FGA: variants seen among roughly 807,000 people sequenced by gnomAD.
FGA encodes fibrinogen alpha chain, also known as fibrinogen, A alpha polypeptide.
FGA carries 20 observed loss-of-function variants against 20.3 expected under a neutral mutation model. The observed-to-expected ratio is 0.99, with a 90% CI of 0.69 to 1.43. The LOEUF is 1.43. FGA is among the 40% of genes most tolerant of loss of function. FGA has a pLI of 0.00. For missense variants in FGA, 777 were observed against 784.7 expected, an observed-to-expected ratio of 0.99 and a Z score of 0.12; for synonymous variants, 306 against 281.6, an observed-to-expected ratio of 1.09 and a Z score of -0.87.
chr4:154,587,043 A>G (rs1248341698), intron 4 of FGA, 125 bp from the exon 5 acceptor site: 6 of 893,858 alleles, frequency 6.7e-6, no homozygotes, highest in Non-Finnish European at 8.8e-6. Flanking sequence ...TCGGAGACCT[A>G]CCACTTAATA....
intron 4 of FGA, 56 bp from the exon 5 acceptor site, chr4:154,586,974 G>T: frequency 6.5e-7 from 1 of 1,529,586 alleles, no homozygotes. Context: ...CATAAACTAC[G>T]TCTATTGAGT....
At position 154,585,541 on chromosome 4, in the gene FGA, T is replaced by G. The variant is rs1250443522; in HGVS notation, c.1888A>C (p.Arg630=). The G allele has an allele frequency of 6.2e-7, 1 of 1,613,916 alleles. No individual in the cohort carries two copies. The highest frequency in any genetic ancestry group is 1.3e-5 in the African/African-American group (1 of 74,926). The change falls in exon 5 of 5, where the codon AGA becomes CGA. Residue 630 remains arginine, a synonymous_variant. Coordinates refer to ENST00000403106, the MANE Select transcript of FGA (RefSeq NM_021871.4). ...CCCAAAGGAGAAGTGTGGATACCTC[T>G]GACAGGGCGAGATTTAGCATGGCCT... ...KRGHAKSRPV[R]GIHTSPLGKP...
chr4:154,584,163 C>T (rs759660156), downstream of FGA: 7 of 1,614,038 alleles, frequency 4.3e-6, no homozygotes, highest in Non-Finnish European at 5.9e-6. Context: ...TGCGAACAGC[C>T]CTGAGGGAAT....
rs370440460 is a variant in FGA at position 154,585,498 on chromosome 4, G to T, written c.1931C>A (p.Pro644His). The T allele has an allele frequency of 1.9e-6, 3 of 1,572,814 alleles. No homozygotes were observed. The highest frequency in any genetic ancestry group is 1.7e-5 in the Admixed American group (1 of 59,924). Residue 644 changes from proline to histidine, a missense_variant, in exon 5 of 5, where the codon CCC (proline) becomes CAC (histidine). Physicochemically the swap from Pro to His is moderately conservative, Grantham distance 77. Transcript: ENST00000403106. ...TGCAGAAATATTTAACTTAGTCTAGGGGGACAGGGAAGGCTTCCCCAAAGG... is the reference window on the plus strand; with the variant it reads ...TGCAGAAATATTTAACTTAGTCTAGTGGGACAGGGAAGGCTTCCCCAAAGG... Reference protein sequence around the residue: ...TSPLGKPSLSP With the variant: ...TSPLGKPSLSH
At position 154,586,921 on chromosome 4, in the gene FGA, A is replaced by T. The variant is rs1730743047; in HGVS notation, c.511-3T>A. The stretch of plus-strand genomic sequence containing the variant: ...CGGATCTTAATATCAATGTCCACCT[A>T]GAGAGAGGGGAGAAAAATAAAGAGA... On this transcript the variant is annotated splice_region_variant and splice_polypyrimidine_tract_variant and intron_variant, in intron 4 of 4. Coordinates refer to ENST00000403106, the MANE Select transcript of FGA (RefSeq NM_021871.4). The T allele has an allele frequency of 6.2e-7, 1 of 1,613,000 alleles. No individual in the cohort carries two copies.
chr4:154,590,683 A>C lies in FGA; in HGVS notation c.5T>G (p.Phe2Cys). 6.4e-7 allele frequency: 1 copy of C among 1,556,282 alleles called. No homozygotes were observed. Among genetic ancestry groups the C allele is most frequent in the Non-Finnish European group, 8.7e-7 (1 of 1,149,154 alleles). Residue 2 changes from phenylalanine (F) to cysteine (C), a missense_variant, in exon 1 of 5, where the codon TTT (phenylalanine) becomes TGT (cysteine). Transcript: ENST00000403106. M[F>C]SMRIVCLVLS... Reference sequence around the variant, plus strand: ...GACCAGGCAGACGATCCTCATGGAAAACATCTTTTCTAAGGGTGGGGCTGG... The same window carrying C: ...GACCAGGCAGACGATCCTCATGGAACACATCTTTTCTAAGGGTGGGGCTGG...
At chr4:154,585,209 T>TAA, downstream of FGA, 1 of 1,311,322 alleles carries the variant, frequency 7.6e-7, no homozygotes, top group Non-Finnish European at 9.8e-7. Flanking sequence ...GTGACAATTC[T>TAA]AATAGCACAC....
rs1488254920 is a variant in FGA, at chr4:154,586,392, T to C, written c.1037A>G (p.Asn346Ser). 4 of 1,613,948 alleles carry C rather than the reference T, an allele frequency of 2.5e-6. No individual in the cohort carries two copies. In the Admixed American group the frequency reaches 6.7e-5, roughly 27 times the overall value. ...AGGTCTAGGGCTCCCAGGGTTTTGG[T>C]TTCCAGTACTTCCAGTTCCAGAGCT... ...SGSSGTGSTG[N>S]QNPGSPRPGS... The change falls in exon 5 of 5, where the codon AAC (asparagine) becomes AGC (serine). Residue 346 changes from asparagine to serine, a missense_variant. Physicochemically the swap from Asn to Ser is conservative, Grantham distance 46. Transcript: ENST00000403106.
intron 2 of FGA, 124 bp downstream of exon 2, chr4:154,589,313 G>T: frequency 8.6e-7 from 1 of 1,163,808 alleles, no homozygotes; most frequent in East Asian, 2.4e-5. Flanking sequence ...TTCTTTATTT[G>T]CTATGTAGGT....
intron 2 of FGA, 30 bp downstream of exon 2, chr4:154,589,407 A>T: frequency 2.5e-6 from 4 of 1,613,198 alleles, no homozygotes; most frequent in Non-Finnish European, 2.5e-6. Flanking sequence ...AGAGGGAAGG[A>T]ATCTCCTGCT....
Position 154,586,147 on chromosome 4 carries a change from A to G in FGA, c.1282T>C (p.Tyr428His). 1 of 1,613,922 alleles carries G rather than the reference A, an allele frequency of 6.2e-7. No individual in the cohort carries two copies. The highest frequency in any genetic ancestry group is 8.5e-7 in the Non-Finnish European group (1 of 1,179,968). ...GAAGTGACCAGTTTTTCTGTGTGGT[A>G]CTCTCTCCTTGTCCCTGGACTTACA... ...GNVSPGTRREYHTEKLVTSKG... is the reference protein window; with the variant it reads ...GNVSPGTRREHHTEKLVTSKG... Residue 428 changes from tyrosine to histidine, a missense_variant, in exon 5 of 5, where the codon TAC becomes CAC. Tyr to His is a moderately conservative substitution (Grantham distance 83). Transcript: ENST00000403106.
intron 3 of FGA, 42 bp downstream of exon 3, chr4:154,588,751 G>C (rs1321296657): frequency 6.5e-6 from 9 of 1,392,740 alleles, no homozygotes; most frequent in Non-Finnish European, 9.2e-6. Context: ...GATTTTTGTT[G>C]TTTCTGTTAT....
At chr4:154,587,787 G>GAAAGAAAGAAAGAAAGAAAGAGAAA (rs1560826822) in intron 3 of FGA, 130 bp from the exon 4 acceptor site, 1 of 713,438 alleles carries the variant, frequency 1.4e-6, no homozygotes, top group African/African-American at 1.8e-5. Context: ...AAGAAAGAAA[G>GAAAGAAAGAAAGAAAGAAAGAGAAA]AAAGAAAGAA....
chr4:154,590,559 A>T, intron 1 of FGA, 75 bp downstream of exon 1: 1 of 1,232,816 alleles, frequency 8.1e-7, no homozygotes, highest in Non-Finnish European at 1.2e-6. Context: ...TAGAGCAGGT[A>T]GACTCTGACC....
intron 1 of FGA, among the ~76,000 whole-genome samples, chr4:154,589,913 CTAA>C (rs1396335210): frequency 6.6e-6 from 1 of 152,172 alleles, no homozygotes; most frequent in Non-Finnish European, 1.5e-5. Flanking sequence ...TTCATTTTTA[CTAA>C]TGACTGCAGA....
At chr4:154,587,041 C>A in intron 4 of FGA, 123 bp from the exon 5 acceptor site, 2 of 923,258 alleles carry the variant, frequency 2.2e-6, no homozygotes, top group African/African-American at 1.6e-5. Flanking sequence ...ACTCGGAGAC[C>A]TACCACTTAA....
chr4:154,585,423 A>G lies in FGA; in HGVS notation c.*71T>C, dbSNP rs922229975. On this transcript the variant is annotated 3_prime_UTR_variant, in exon 5 of 5. Coordinates refer to ENST00000403106, the MANE Select transcript of FGA (RefSeq NM_021871.4). ...AGACCAAAAAAGTGTAGTTTCAATGACGTGTAACAGAGAGTTAAGAAGGAA... is the reference window on the plus strand; with the variant it reads ...AGACCAAAAAAGTGTAGTTTCAATGGCGTGTAACAGAGAGTTAAGAAGGAA... 2 of 1,198,338 alleles carry G rather than the reference A, an allele frequency of 1.7e-6. No homozygotes were observed. Among genetic ancestry groups the G allele is most frequent in the Non-Finnish European group, 2.4e-6 (2 of 824,016 alleles). The allele number at this position is 1,198,338 out of a possible 1,614,324, so 74.2% of individuals were successfully genotyped here.
chr4:154,587,109 G>A (rs555861998), intron 4 of FGA, among the ~76,000 whole-genome samples, 191 bp from the exon 5 acceptor site: 1 of 152,238 alleles, frequency 6.6e-6, no homozygotes, highest in Admixed American at 6.5e-5. Context: ...GGGTATTGCA[G>A]GGCTAGCCAG....
chr4:154,589,037 C>G (rs550378882), intron 2 of FGA, 61 bp from the exon 3 acceptor site: 80 of 1,420,932 alleles, frequency 5.6e-5, no homozygotes, highest in Non-Finnish European at 7.7e-5. Flanking sequence ...AATAATTTTG[C>G]ATGTTTCCAT....
Sources: allele counts gnomAD v4.1 joint callset (sites outside exome capture counted in the v4.1 genomes callset), GRCh38; gene constraint gnomAD v4.1.1; transcripts MANE v1.5; gene names NCBI Gene and HGNC (gene_info 2026-07-23, HGNC 2026-07-21).